TRPC4: variants seen among roughly 807,000 people sequenced by gnomAD.
TRPC4 encodes the protein transient receptor potential cation channel subfamily C member 4.
Under a neutral mutation model 99.4 loss-of-function variants are expected in TRPC4, and 49 were observed. The observed-to-expected ratio is 0.49, with a 90% confidence interval of 0.39 to 0.63. TRPC4 has a LOEUF of 0.63. TRPC4 is among the 20% of genes least tolerant of loss of function. The pLI is 0.00. For missense variants in TRPC4, 898 were observed against 1,152.9 expected (o/e 0.78, Z 3.20); for synonymous variants, 454 against 425.9 (o/e 1.07, Z -0.81).
At chr13:37,796,936 A>C in intron 1 of TRPC4, among the ~76,000 whole-genome samples, 1 of 127,172 alleles carries the variant, frequency 7.9e-6, no homozygotes, top group Non-Finnish European at 1.7e-5. Flanking sequence ...TACAAAAATA[A>C]AATAAAATAA....
intron 2 of TRPC4, among the ~76,000 whole-genome samples, chr13:37,778,027 CA>C (rs534204530): frequency 3.9e-5 from 6 of 152,026 alleles, no homozygotes; most frequent in African/African-American, 1.4e-4. Context: ...ATTTATTGGG[CA>C]ACAAAATTAT....
chr13:37,721,789 T>G (rs1331552264), intron 3 of TRPC4, among the ~76,000 whole-genome samples: 1 of 152,152 alleles, frequency 6.6e-6, no homozygotes. Context: ...TTTTATTTAT[T>G]TTTTTACTTT....
intron 1 of TRPC4, among the ~76,000 whole-genome samples, chr13:37,865,447 C>CT (rs199537202): frequency 3.5e-4 from 53 of 150,608 alleles, no homozygotes; most frequent in Middle Eastern, 3.4e-3. Flanking sequence ...TAAAAACAAA[C>CT]TTTTTTTTTC....
chr13:37,845,563 A>G (rs1370993254), intron 1 of TRPC4, among the ~76,000 whole-genome samples: 2 of 152,078 alleles, frequency 1.3e-5, no homozygotes, highest in Non-Finnish European at 2.9e-5. Flanking sequence ...CAAGTAGATC[A>G]GTGAGCTCAG....
intron 1 of TRPC4, among the ~76,000 whole-genome samples, chr13:37,794,023 T>C (rs999616983): frequency 2.0e-5 from 3 of 152,148 alleles, no homozygotes; most frequent in Non-Finnish European, 2.9e-5. Flanking sequence ...AACAAAAATG[T>C]TCAGGTATTA....
chr13:37,849,521 C>T (rs1025961471), intron 1 of TRPC4, among the ~76,000 whole-genome samples: 5 of 152,128 alleles, frequency 3.3e-5, no homozygotes, highest in Admixed American at 2.0e-4. Flanking sequence ...AAATGGAAAC[C>T]TCCCTTCTTG....
intron 1 of TRPC4, among the ~76,000 whole-genome samples, chr13:37,836,493 GA>G (rs1490654096): frequency 6.6e-6 from 1 of 152,140 alleles, no homozygotes; most frequent in East Asian, 1.9e-4. Context: ...AGATGGAGAT[GA>G]GAAAATTTTT....
At chr13:37,839,353 C>T (rs547135171) in intron 1 of TRPC4, among the ~76,000 whole-genome samples, 1 of 152,226 alleles carries the variant, frequency 6.6e-6, no homozygotes, top group Admixed American at 6.5e-5. Flanking sequence ...ACATCTCTTT[C>T]TTTAAAGCTT....
At chr13:37,785,559 G>A (rs1437159611) in intron 1 of TRPC4, among the ~76,000 whole-genome samples, 1 of 152,066 alleles carries the variant, frequency 6.6e-6, no homozygotes, top group Admixed American at 6.6e-5. Context: ...GTGTTTGAAT[G>A]TAGCTCACCC....
At chr13:37,641,892 T>C (rs879829254) in intron 8 of TRPC4, among the ~76,000 whole-genome samples, 5 of 152,228 alleles carry the variant, frequency 3.3e-5, no homozygotes, top group African/African-American at 7.2e-5. Context: ...TTGTCCTCTT[T>C]GCATTTTTTT....
At chr13:37,778,849 T>C (rs1029080331) in intron 2 of TRPC4, among the ~76,000 whole-genome samples, 2 of 152,090 alleles carry the variant, frequency 1.3e-5, no homozygotes, top group African/African-American at 4.8e-5. Flanking sequence ...CATAGTATAG[T>C]ATGAGACATC....
intron 1 of TRPC4, among the ~76,000 whole-genome samples, chr13:37,853,538 G>T (rs781031486): frequency 1.3e-5 from 2 of 152,086 alleles, no homozygotes; most frequent in Non-Finnish European, 2.9e-5. Flanking sequence ...TAAGCATCAA[G>T]AATATGCAGG....
At chr13:37,760,863 T>C (rs1159953043) in intron 2 of TRPC4, among the ~76,000 whole-genome samples, 1 of 151,982 alleles carries the variant, frequency 6.6e-6, no homozygotes, top group Non-Finnish European at 1.5e-5. Context: ...TAATGATAAC[T>C]TAATATCAAT....
intron 1 of TRPC4, among the ~76,000 whole-genome samples, chr13:37,827,800 C>G (rs1054196230): frequency 6.6e-6 from 1 of 152,120 alleles, no homozygotes; most frequent in African/African-American, 2.4e-5. Flanking sequence ...TGGGCTCCAC[C>G]CAGTTCCAGC....
chr13:37,805,200 A>C (rs1046808863), intron 1 of TRPC4, among the ~76,000 whole-genome samples: 1 of 151,990 alleles, frequency 6.6e-6, no homozygotes, highest in African/African-American at 2.4e-5. Context: ...AATATTAGAG[A>C]GGAATACTTT....
At chr13:37,862,596 T>C (rs1196586621) in intron 1 of TRPC4, among the ~76,000 whole-genome samples, 1 of 151,684 alleles carries the variant, frequency 6.6e-6, no homozygotes, top group Non-Finnish European at 1.5e-5. Context: ...ATATAATTTA[T>C]GTTATTTATT....
intron 3 of TRPC4, among the ~76,000 whole-genome samples, chr13:37,727,378 A>G (rs187336167): frequency 1.6e-3 from 240 of 152,114 alleles, no homozygotes; most frequent in Non-Finnish European, 2.7e-3. Flanking sequence ...AATATTAATG[A>G]AAATAAAAAT....
At chr13:37,778,601 A>G (rs1323406812) in intron 2 of TRPC4, among the ~76,000 whole-genome samples, 1 of 151,998 alleles carries the variant, frequency 6.6e-6, no homozygotes, top group Non-Finnish European at 1.5e-5. Context: ...TTGATCTCCA[A>G]GAATCCTCCC....
At chr13:37,661,643 G>T (rs1475838605) in intron 6 of TRPC4, among the ~76,000 whole-genome samples, 1 of 152,102 alleles carries the variant, frequency 6.6e-6, no homozygotes, top group Non-Finnish European at 1.5e-5. Flanking sequence ...CATTCACAAG[G>T]GTTCTCCATC....
Sources: allele counts gnomAD v4.1 joint callset (sites outside exome capture counted in the v4.1 genomes callset), GRCh38; gene constraint gnomAD v4.1.1; transcripts MANE v1.5; gene names NCBI Gene and HGNC (gene_info 2026-07-23, HGNC 2026-07-21).